The following MTOR variants were observed in gnomAD, a reference collection of about 807,000 sequenced individuals.
MTOR encodes the protein serine/threonine-protein kinase mTOR.
MTOR carries 70 observed loss-of-function variants against 319.8 expected under a neutral mutation model. That is an observed-to-expected ratio of 0.22 (90% confidence interval 0.18 to 0.27). The LOEUF (loss-of-function observed/expected upper bound fraction) is 0.27. MTOR is among the 10% of genes least tolerant of loss of function. MTOR has a pLI of 1.00. For synonymous variants in MTOR, 1,183 were observed against 1,211.4 expected (o/e 0.98, Z 0.49); for missense variants, 1,890 against 3,274.4 (o/e 0.58, Z 10.32).
At chr1:11,122,797 G>A (rs544149699) in intron 47 of MTOR, among the ~76,000 whole-genome samples, 6 of 152,174 alleles carry the variant, frequency 3.9e-5, no homozygotes, top group Admixed American at 1.3e-4. Context: ...GTGAGCCACC[G>A]CGCCCGGCGG....
chr1:11,166,699 A>C (rs1454852641), intron 29 of MTOR, among the ~76,000 whole-genome samples: 1 of 152,230 alleles, frequency 6.6e-6, no homozygotes, highest in Non-Finnish European at 1.5e-5. Context: ...TTCCTCAAGG[A>C]TCTAGAACTA....
chr1:11,195,875 T>C (rs960150587), intron 28 of MTOR: 1 of 152,290 alleles, frequency 6.6e-6, no homozygotes, highest in Admixed American at 6.5e-5. Context: ...TAGTTAATAA[T>C]AAATGCTGTA....
intron 34 of MTOR, among the ~76,000 whole-genome samples, chr1:11,143,072 C>T (rs1248489901): frequency 1.3e-5 from 2 of 152,108 alleles, no homozygotes; most frequent in African/African-American, 2.4e-5. Flanking sequence ...TTTTTCCATC[C>T]CATGAAGTGT....
At chr1:11,249,563 C>T (rs549556605) in intron 6 of MTOR, among the ~76,000 whole-genome samples, 5 of 144,518 alleles carry the variant, frequency 3.5e-5, no homozygotes, top group Non-Finnish European at 6.1e-5. Context: ...GAGGACCCTG[C>T]GGCCTTCCGC....
chr1:11,213,884 A>C (rs557732783), intron 20 of MTOR, among the ~76,000 whole-genome samples: 1 of 152,090 alleles, frequency 6.6e-6, no homozygotes, highest in Non-Finnish European at 1.5e-5. Flanking sequence ...CTCTAGCCTC[A>C]CTTCTCCCAT....
At chr1:11,157,379 T>C (rs1644351488) in intron 29 of MTOR, 88 bp from the exon 30 acceptor site, 1 of 1,475,146 alleles carries the variant, frequency 6.8e-7, no homozygotes, top group Non-Finnish European at 9.1e-7. Context: ...CCTAATGTGC[T>C]GCTGTACGCA....
At chr1:11,174,612 A>G (rs899325190) in intron 28 of MTOR, among the ~76,000 whole-genome samples, 1 of 152,214 alleles carries the variant, frequency 6.6e-6, no homozygotes, top group Non-Finnish European at 1.5e-5. Flanking sequence ...TGGGTGATAC[A>G]AAGCCGTCCT....
intron 26 of MTOR, among the ~76,000 whole-genome samples, chr1:11,204,318 A>C (rs1435663950): frequency 3.9e-5 from 6 of 152,232 alleles, no homozygotes; most frequent in African/African-American, 1.4e-4. Context: ...AGAGTTATAA[A>C]TAACTTTGTA....
chr1:11,222,753 A>C (rs1569639409), intron 19 of MTOR, among the ~76,000 whole-genome samples: 2 of 152,142 alleles, frequency 1.3e-5, no homozygotes, highest in South Asian at 4.1e-4. Context: ...ATGGAAAAAA[A>C]CATTTTTTTT....
At position 11,259,094 on chromosome 1, in the gene MTOR, C is replaced by T. The variant is rs553000426; in HGVS notation, c.162+154G>A. 5.3e-5 allele frequency among the ~76,000 whole-genome samples: 8 copies of T among 152,328 alleles called. No homozygotes were observed. The South Asian group carries it at 1.4e-3, about 28-fold the overall frequency. Reference sequence around the variant, plus strand: ...AAATGTGCAACTGCTGCAAAAGAACCTGCATGTTTTATGGATGTGACAGGT... The same window carrying T: ...AAATGTGCAACTGCTGCAAAAGAACTTGCATGTTTTATGGATGTGACAGGT... On this transcript the variant is annotated intron_variant, in intron 2 of 57. Transcript: ENST00000361445.
chr1:11,226,376 A>G (rs1646838995), intron 19 of MTOR: 1 of 152,212 alleles, frequency 6.6e-6, no homozygotes, highest in Admixed American at 6.5e-5. Context: ...AATAAAAATA[A>G]AATAAAAAGA....
chr1:11,130,489 C>A lies in MTOR; in HGVS notation c.5613+40G>T, dbSNP rs17848555. Reference sequence around the variant, plus strand: ...CGATTCCATTTCTCAGAGAGCCTGGCACCTTGGTTGGTTGTTAATAAGGAA... The same window carrying A: ...CGATTCCATTTCTCAGAGAGCCTGGAACCTTGGTTGGTTGTTAATAAGGAA... On this transcript the variant is annotated intron_variant, in intron 39 of 57. Coordinates refer to ENST00000361445, the MANE Select transcript of MTOR (RefSeq NM_004958.4). The A allele has an allele frequency of 1.3e-4, 211 of 1,594,736 alleles. 2 individuals are homozygous for A. The East Asian group carries it at 4.7e-3, about 35-fold the overall frequency.
At position 11,259,169 on chromosome 1, in the gene MTOR, T is replaced by TA; in HGVS notation, c.162+78dup. 4 of 1,541,600 alleles carry TA rather than the reference T, an allele frequency of 2.6e-6. No homozygotes were observed. The South Asian group carries it at 4.8e-5, about 19-fold the overall frequency. On this transcript the variant is annotated intron_variant, in intron 2 of 57. Coordinates refer to ENST00000361445, the MANE Select transcript of MTOR (RefSeq NM_004958.4). ...TGTTTTCCAAATCCTCACTTAGCTG[T>TA]ACAAAAAAAAATGTAAACCAGTGAT...
chr1:11,231,489 T>C (rs1419713507), intron 16 of MTOR, 55 bp from the exon 17 acceptor site: 7 of 1,597,386 alleles, frequency 4.4e-6, no homozygotes, highest in Non-Finnish European at 6.0e-6. Context: ...AAAGAAAGCA[T>C]AGTTGAACTC....
intron 8 of MTOR, among the ~76,000 whole-genome samples, chr1:11,245,589 C>T (rs1001183804): frequency 3.3e-5 from 5 of 152,132 alleles, no homozygotes; most frequent in East Asian, 1.9e-4. Flanking sequence ...CGGCAGGAAA[C>T]GGGGTAAAAT....
Position 11,199,773 on chromosome 1 carries a change from A to C in MTOR, c.3945-70T>G, listed in dbSNP as rs11121697. 0.037 allele frequency: 57,292 copies of C among 1,542,402 alleles called. 1,898 individuals are homozygous for C. Among genetic ancestry groups the C allele is most frequent in the South Asian group, 0.11 (9,741 of 86,306 alleles). ...TGCCTGCTGCCTCAAAGTCACACCTATCAATTCGCTTTTGGCATCACTGAT... is the reference window on the plus strand; with the variant it reads ...TGCCTGCTGCCTCAAAGTCACACCTCTCAATTCGCTTTTGGCATCACTGAT... On this transcript the variant is annotated intron_variant, in intron 26 of 57. Transcript: ENST00000361445. This position sits in a 1 kb window ranked among gnomAD's most constrained non-coding sequence, Gnocchi z 4.5.
intron 49 of MTOR, 63 bp from the exon 50 acceptor site, chr1:11,117,149 T>C: frequency 7.7e-7 from 1 of 1,292,982 alleles, no homozygotes; most frequent in Non-Finnish European, 1.1e-6. Context: ...ATAATTATAC[T>C]CTAATAAGCT....
At chr1:11,184,445 T>C (rs1645250344) in intron 28 of MTOR, among the ~76,000 whole-genome samples, 1 of 152,214 alleles carries the variant, frequency 6.6e-6, no homozygotes, top group Non-Finnish European at 1.5e-5. Flanking sequence ...TGAAAAAATC[T>C]TGTTTGGGCT....
rs1423341600 is a variant in MTOR, at chr1:11,124,494, A to C, written c.6662+4T>G. ...ATTGTTGCCATTTCAGGGTTTCTGA[A>C]TACCTGAGGTTTTTCCGAAGAGATG... is the stretch of plus-strand genomic sequence containing the variant. On this transcript the variant is annotated splice_donor_region_variant and intron_variant, in intron 47 of 57. Coordinates refer to ENST00000361445, the MANE Select transcript of MTOR (RefSeq NM_004958.4). 1 of 1,602,674 alleles carries C rather than the reference A, an allele frequency of 6.2e-7. No homozygotes were observed. Among genetic ancestry groups the C allele is most frequent in the Non-Finnish European group, 8.5e-7 (1 of 1,170,404 alleles).
Sources: allele counts gnomAD v4.1 joint callset (sites outside exome capture counted in the v4.1 genomes callset), GRCh38; gene constraint gnomAD v4.1.1; non-coding constraint Gnocchi (gnomAD v3.1); transcripts MANE v1.5; gene names NCBI Gene and HGNC (gene_info 2026-07-23, HGNC 2026-07-21).